Variants in CTNNA3 observed in about 807,000 individuals in gnomAD.
The protein encoded by CTNNA3 is catenin alpha-3.
CTNNA3 carries 76 observed loss-of-function variants against 95.7 expected under a neutral mutation model. The ratio of observed to expected loss-of-function variants is 0.79; its 90% confidence interval spans 0.66 to 0.96. CTNNA3 has a LOEUF of 0.96. CTNNA3 is among the 40% of genes least tolerant of loss of function. CTNNA3 has a pLI of 0.00. For synonymous variants in CTNNA3, 431 were observed against 374.4 expected, an observed-to-expected ratio of 1.15 and a Z score of -1.74; for missense variants, 1,191 against 1,089.8, an observed-to-expected ratio of 1.09 and a Z score of -1.31.
rs192974777 is a variant in CTNNA3 at position 65,973,232 on chromosome 10, T to C, written c.2266-6486A>G. Among the ~76,000 whole-genome samples the C allele has an allele frequency of 2.4e-3, 361 of 152,178 alleles. 2 individuals are homozygous for C. The highest frequency in any genetic ancestry group is 8.4e-3 in the African/African-American group (347 of 41,540). On this transcript the variant is annotated intron_variant, in intron 16 of 17. Coordinates refer to ENST00000433211, the MANE Select transcript of CTNNA3 (RefSeq NM_013266.4). The stretch of plus-strand genomic sequence containing the variant: ...GAATTAAAGATTTAAATATAAGACC[T>C]CCACAATAAGAATCCTTGAAGAAAA...
chr10:67,133,352 T>TACAG (rs2132024475), intron 7 of CTNNA3, among the ~76,000 whole-genome samples: 1 of 82,260 alleles, frequency 1.2e-5, no homozygotes, highest in East Asian at 3.0e-4. Context: ...CAATGGTAGA[T>TACAG]ACATACATAC....
At chr10:66,308,531 G>C (rs2091961687) in intron 12 of CTNNA3, among the ~76,000 whole-genome samples, 1 of 152,162 alleles carries the variant, frequency 6.6e-6, no homozygotes, top group South Asian at 2.1e-4. Flanking sequence ...GAAAAAGATA[G>C]CAATTTATAA....
At chr10:67,675,141 T>C (rs1244450494) in intron 1 of CTNNA3, among the ~76,000 whole-genome samples, 2 of 152,104 alleles carry the variant, frequency 1.3e-5, no homozygotes, top group Non-Finnish European at 2.9e-5. Context: ...CCTTTTCACA[T>C]ATCATTGACC....
rs772827428 is a variant in CTNNA3 at position 67,669,339 on chromosome 10, A to AT, written c.-5-21822dup. Among the ~76,000 whole-genome samples the AT allele has an allele frequency of 1.9e-4, 29 of 152,162 alleles. 1 individual carries two copies. The highest frequency in any genetic ancestry group is 3.4e-4 in the Non-Finnish European group (23 of 68,030). On this transcript the variant is annotated intron_variant, in intron 1 of 17. Coordinates refer to ENST00000433211, the MANE Select transcript of CTNNA3 (RefSeq NM_013266.4). ...AGAAAAATTATGCCTAGAGATACAG[A>AT]TATAGTAACCTGTCCATCCATGTTA...
intron 7 of CTNNA3, among the ~76,000 whole-genome samples, chr10:66,958,165 T>C (rs1259967457): frequency 1.3e-5 from 2 of 152,216 alleles, no homozygotes; most frequent in Middle Eastern, 3.4e-3. Context: ...CTAGTATCAT[T>C]TGTGAATATT....
Position 66,379,214 on chromosome 10 carries a change from C to G in CTNNA3, c.1670G>C (p.Ser557Thr). Reference sequence around the variant, plus strand: ...TTCCGTGTAAGCCCCTGGCTCGTAACTGTCCATTTCACCCGTGACGATGTG... The same window carrying G: ...TTCCGTGTAAGCCCCTGGCTCGTAAGTGTCCATTTCACCCGTGACGATGTG... ...VAHIVTGEMD[S>T]YEPGAYTEGV... The change falls in exon 12 of 18, where the codon AGT (serine) becomes ACT (threonine). Residue 557 changes from serine to threonine, a missense_variant. Coordinates refer to ENST00000433211, the MANE Select transcript of CTNNA3 (RefSeq NM_013266.4). 3 of 1,614,158 alleles carry G rather than the reference C, an allele frequency of 1.9e-6. No individual in the cohort carries two copies. The South Asian group carries it at 3.3e-5, about 18-fold the overall frequency.
At chr10:66,133,540 A>C (rs2083220173) in intron 13 of CTNNA3, among the ~76,000 whole-genome samples, 1 of 151,998 alleles carries the variant, frequency 6.6e-6, no homozygotes, top group Admixed American at 6.6e-5. Context: ...ACAAAAAACA[A>C]AAAAAACAGA....
chr10:66,938,164 A>T (rs1490235031), intron 7 of CTNNA3, among the ~76,000 whole-genome samples: 1 of 152,178 alleles, frequency 6.6e-6, no homozygotes, highest in African/African-American at 2.4e-5. Flanking sequence ...TAGTCATAAA[A>T]ACTTTTTTTA....
intron 1 of CTNNA3, among the ~76,000 whole-genome samples, chr10:67,738,645 T>C (rs1841316638): frequency 6.6e-6 from 1 of 150,930 alleles, no homozygotes; most frequent in Non-Finnish European, 1.5e-5. Flanking sequence ...TACTCTGAGC[T>C]AAAGGAGGAA....
intron 11 of CTNNA3, among the ~76,000 whole-genome samples, chr10:66,503,839 G>C (rs1446764105): frequency 6.6e-6 from 1 of 152,024 alleles, no homozygotes; most frequent in Non-Finnish European, 1.5e-5. Context: ...AAATCTATAA[G>C]AATTACTTTA....
chr10:67,263,113 T>C (rs2132396203), intron 5 of CTNNA3, among the ~76,000 whole-genome samples: 1 of 152,286 alleles, frequency 6.6e-6, no homozygotes, highest in East Asian at 1.9e-4. Flanking sequence ...CCCAAGGTAA[T>C]ATAACAAGCA....
rs1386137061 is a variant in CTNNA3, at chr10:67,374,275, A to G, written c.579+147567T>C. Among the ~76,000 whole-genome samples the G allele has an allele frequency of 1.2e-4, 18 of 152,264 alleles. 1 individual carries two copies. The South Asian group carries it at 3.7e-3, about 32-fold the overall frequency. Reference sequence around the variant, plus strand: ...GTGGGTGTGACTGTGTTCTAATAAAATATTATTTATAACAACAGGTAGCCA... The same window carrying G: ...GTGGGTGTGACTGTGTTCTAATAAAGTATTATTTATAACAACAGGTAGCCA... On this transcript the variant is annotated intron_variant, in intron 5 of 17. Transcript: ENST00000433211.
chr10:67,729,358 A>C (rs1203654941), intron 1 of CTNNA3, among the ~76,000 whole-genome samples: 2 of 152,166 alleles, frequency 1.3e-5, no homozygotes, highest in Non-Finnish European at 2.9e-5. Context: ...CTTATTTGTT[A>C]AATGAACCAT....
rs949343337 is a variant in CTNNA3 at position 67,482,541 on chromosome 10, C to G, written c.579+39301G>C. Reference sequence around the variant, plus strand: ...GAATGGGAGTTCACTCATGATTTGGCTCTCTGTTTGTCTGTTATTGGTGTA... The same window carrying G: ...GAATGGGAGTTCACTCATGATTTGGGTCTCTGTTTGTCTGTTATTGGTGTA... On this transcript the variant is annotated intron_variant, in intron 5 of 17. Coordinates refer to ENST00000433211, the MANE Select transcript of CTNNA3 (RefSeq NM_013266.4). Among the ~76,000 whole-genome samples, 8 of 152,198 alleles carry G rather than the reference C, an allele frequency of 5.3e-5. No homozygotes were observed. The South Asian group carries it at 8.3e-4, about 16-fold the overall frequency.
At chr10:67,470,707 T>G (rs1379062546) in intron 5 of CTNNA3, among the ~76,000 whole-genome samples, 1 of 152,230 alleles carries the variant, frequency 6.6e-6, no homozygotes, top group Admixed American at 6.5e-5. Context: ...TCTGTGTTAC[T>G]TTAACACAGA....
At chr10:67,348,761 T>C (rs951062215) in intron 5 of CTNNA3, among the ~76,000 whole-genome samples, 34 of 152,178 alleles carry the variant, frequency 2.2e-4, no homozygotes, top group South Asian at 6.2e-4. Context: ...ACCTCCAACA[T>C]TGGAGGTCAC....
intron 9 of CTNNA3, among the ~76,000 whole-genome samples, chr10:66,667,360 CTTGA>C: frequency 6.6e-6 from 1 of 152,232 alleles, no homozygotes; most frequent in South Asian, 2.1e-4. Context: ...CTCCTATCAT[CTTGA>C]TTGCTCATGC....
At chr10:66,068,023 G>T (rs1215523712) in intron 15 of CTNNA3, among the ~76,000 whole-genome samples, 1 of 152,114 alleles carries the variant, frequency 6.6e-6, no homozygotes, top group Non-Finnish European at 1.5e-5. Context: ...AGTTTATAAA[G>T]ATTTTCATTT....
chr10:65,970,874 A>G (rs2133269825), intron 16 of CTNNA3, among the ~76,000 whole-genome samples: 1 of 151,600 alleles, frequency 6.6e-6, no homozygotes, highest in Middle Eastern at 3.4e-3. Context: ...GAATTCATAA[A>G]ACAAGTACTT....
Sources: allele counts gnomAD v4.1 joint callset (sites outside exome capture counted in the v4.1 genomes callset), GRCh38; gene constraint gnomAD v4.1.1; transcripts MANE v1.5; gene names NCBI Gene and HGNC (gene_info 2026-07-23, HGNC 2026-07-21).